Variants in MTA3 observed in about 807,000 individuals in gnomAD.
The protein encoded by MTA3 is metastasis-associated protein MTA3.
In MTA3, 34 loss-of-function variants were observed where a neutral mutation model predicts 83.5. The ratio of observed to expected loss-of-function variants is 0.41; its 90% CI spans 0.31 to 0.54. The LOEUF is 0.54. Among genes scored for constraint, MTA3 ranks in the 20% least tolerant of loss-of-function variants. The probability of loss-of-function intolerance (pLI) is 0.33; values close to 1 mark genes in which losing one functional copy is unlikely to be tolerated. For missense variants in MTA3, 761 were observed against 726.4 expected (o/e 1.05, Z -0.55); for synonymous variants, 303 against 252.7 (o/e 1.20, Z -1.89).
At chr2:42,609,664 C>G (rs1229731294) in intron 4 of MTA3, 80 bp downstream of exon 4, 2 of 1,459,600 alleles carry the variant, frequency 1.4e-6, no homozygotes, top group Non-Finnish European at 1.8e-6. Context: ...GTTTTCCAGA[C>G]TCTTCTCAGG....
intron 9 of MTA3, among the ~76,000 whole-genome samples, chr2:42,691,611 AG>A (rs1169435100): frequency 2.0e-5 from 3 of 152,164 alleles, no homozygotes; most frequent in African/African-American, 7.2e-5. Context: ...TATTACCAGC[AG>A]GTTTTGTACC....
intron 3 of MTA3, among the ~76,000 whole-genome samples, chr2:42,581,106 T>G (rs969643918): frequency 1.7e-5 from 1 of 60,082 alleles, no homozygotes; most frequent in Non-Finnish European, 3.5e-5. Flanking sequence ...TGTGTTTTTC[T>G]GTTTCTGTAT....
intron 3 of MTA3, among the ~76,000 whole-genome samples, chr2:42,581,383 T>A (rs926624213): frequency 6.9e-6 from 1 of 145,880 alleles, no homozygotes; most frequent in African/African-American, 2.6e-5. Flanking sequence ...TTTTTTTTTT[T>A]TTCGGAGACA....
chr2:42,505,427 A>T (rs1424010639), intron 2 of MTA3, among the ~76,000 whole-genome samples: 1 of 151,992 alleles, frequency 6.6e-6, no homozygotes, highest in East Asian at 1.9e-4. Flanking sequence ...TGACTGACTC[A>T]CCTAAGGTTC....
intron 16 of MTA3, among the ~76,000 whole-genome samples, chr2:42,735,299 C>T (rs1324679071): frequency 1.3e-5 from 2 of 152,186 alleles, no homozygotes; most frequent in South Asian, 4.1e-4. Context: ...TCTATTCTGG[C>T]CTGTAAGGTT....
chr2:42,643,049 T>A (rs1191469965), intron 5 of MTA3, among the ~76,000 whole-genome samples: 3 of 141,632 alleles, frequency 2.1e-5, no homozygotes, highest in Non-Finnish European at 3.1e-5. Context: ...CCCCCCCCTT[T>A]TTTTTTTAAC....
At chr2:42,566,714 C>G (rs901268704), upstream of MTA3, among the ~76,000 whole-genome samples, 5 of 152,116 alleles carry the variant, frequency 3.3e-5, no homozygotes, top group Admixed American at 1.3e-4. Flanking sequence ...AATGAATTAA[C>G]AAAAACAGGG....
At chr2:42,721,045 CAAAT>C (rs1345470756) in intron 15 of MTA3, among the ~76,000 whole-genome samples, 1 of 150,914 alleles carries the variant, frequency 6.6e-6, no homozygotes, top group Non-Finnish European at 1.5e-5. Flanking sequence ...CTACTGTGGG[CAAAT>C]TGGTCTCTAT....
At chr2:42,538,226 C>G (rs1184714508) in intron 2 of MTA3, among the ~76,000 whole-genome samples, 1 of 151,824 alleles carries the variant, frequency 6.6e-6, no homozygotes, top group Non-Finnish European at 1.5e-5. Context: ...CAGCGAGACT[C>G]TGTCTCGAAA....
chr2:42,543,204 G>A (rs1265879192), intron 2 of MTA3, among the ~76,000 whole-genome samples: 2 of 152,076 alleles, frequency 1.3e-5, no homozygotes, highest in Non-Finnish European at 2.9e-5. Context: ...TTGAGACAGA[G>A]TCTCCCTCTG....
chr2:42,541,918 C>T (rs1043265700), intron 2 of MTA3, among the ~76,000 whole-genome samples: 2 of 152,140 alleles, frequency 1.3e-5, no homozygotes, highest in Non-Finnish European at 2.9e-5. Context: ...ACAATGGAAG[C>T]CTGCTCAGGC....
intron 3 of MTA3, among the ~76,000 whole-genome samples, chr2:42,584,788 G>A (rs1423014054): frequency 1.3e-5 from 2 of 152,018 alleles, no homozygotes; most frequent in Non-Finnish European, 2.9e-5. Context: ...GATTGCTTGA[G>A]CCCAGGAGAT....
intron 4 of MTA3, among the ~76,000 whole-genome samples, chr2:42,617,116 A>G (rs556709427): frequency 6.6e-6 from 1 of 152,320 alleles, no homozygotes; most frequent in African/African-American, 2.4e-5. Flanking sequence ...GATAAATAGG[A>G]AAGGTTCTAG....
intron 3 of MTA3, among the ~76,000 whole-genome samples, chr2:42,591,261 A>G (rs1397685907): frequency 6.6e-6 from 1 of 152,232 alleles, no homozygotes; most frequent in Non-Finnish European, 1.5e-5. Flanking sequence ...TTAAACATAG[A>G]ACAAGTACAG....
chr2:42,719,522 A>G (rs1486732638), intron 15 of MTA3, among the ~76,000 whole-genome samples: 2 of 152,126 alleles, frequency 1.3e-5, no homozygotes, highest in Admixed American at 1.3e-4. Flanking sequence ...TAAAATAATT[A>G]TAGGTTTTAA....
chr2:42,616,456 T>C (rs1404417216), intron 4 of MTA3, among the ~76,000 whole-genome samples: 1 of 151,774 alleles, frequency 6.6e-6, no homozygotes, highest in Non-Finnish European at 1.5e-5. Flanking sequence ...TGCGGAACAT[T>C]GTATCCTACA....
chr2:42,724,329 C>CGT (rs1667656703), intron 16 of MTA3, among the ~76,000 whole-genome samples: 2 of 147,064 alleles, frequency 1.4e-5, no homozygotes, highest in African/African-American at 5.1e-5. Context: ...CACACACACA[C>CGT]ACGTATATAT....
At chr2:42,667,967 A>C (rs1036008810) in intron 8 of MTA3, among the ~76,000 whole-genome samples, 6 of 152,122 alleles carry the variant, frequency 3.9e-5, no homozygotes, top group Non-Finnish European at 5.9e-5. Context: ...TTCCCCCATC[A>C]ATCTGTAGCT....
chr2:42,675,662 T>C (rs1050138301), intron 8 of MTA3, among the ~76,000 whole-genome samples: 1 of 152,224 alleles, frequency 6.6e-6, no homozygotes, highest in Non-Finnish European at 1.5e-5. Context: ...TGTTCATTTT[T>C]TCAAACTTCT....
Sources: allele counts gnomAD v4.1 joint callset (sites outside exome capture counted in the v4.1 genomes callset), GRCh38; gene constraint gnomAD v4.1.1; transcripts MANE v1.5; gene names NCBI Gene and HGNC (gene_info 2026-07-23, HGNC 2026-07-21).